The following PTPN21 variants were observed in gnomAD, a reference collection of about 807,000 sequenced individuals.
PTPN21 encodes tyrosine-protein phosphatase non-receptor type 21.
A neutral mutation model predicts 131.8 loss-of-function variants in PTPN21; 77 were observed. That is an observed-to-expected ratio of 0.58 (90% CI 0.49 to 0.71). The LOEUF is 0.71. Among genes scored for constraint, PTPN21 ranks in the 30% least tolerant of loss-of-function variants. The pLI is 0.00. For synonymous variants in PTPN21, 715 were observed against 621.3 expected (o/e 1.15, Z -2.24); for missense variants, 1,552 against 1,527.1 (o/e 1.02, Z -0.27).
In PTPN21 at chr14:88,550,245, A is replaced by G; in HGVS notation, c.173T>C (p.Leu58Pro). The G allele has an allele frequency of 6.2e-7, 1 of 1,613,330 alleles. No individual in the cohort carries two copies. Among genetic ancestry groups the G allele is most frequent in the Non-Finnish European group, 8.5e-7 (1 of 1,179,766 alleles). The change falls in exon 2 of 19, where the codon CTG becomes CCG. Residue 58 changes from leucine (L) to proline (P), a missense_variant. Coordinates refer to ENST00000556564, the MANE Select transcript of PTPN21 (RefSeq NM_007039.4). ...SLEAVAQRLE[L>P]REVTYFSLWY... The stretch of plus-strand genomic sequence containing the variant: ...TGTCTTTAGGTGGCTTACCTCCCGC[A>G]GCTCCAGCCTCTGGGCCACGGCCTC...
chr14:88,501,216 C>A (rs952390612), intron 7 of PTPN21, 65 bp downstream of exon 7: 2 of 1,378,532 alleles, frequency 1.5e-6, no homozygotes, highest in Non-Finnish European at 2.1e-6. Context: ...CCTTGGATTT[C>A]CCCATGATTT....
At chr14:88,545,347 T>C (rs1287338899) in intron 2 of PTPN21, among the ~76,000 whole-genome samples, 1 of 151,652 alleles carries the variant, frequency 6.6e-6, no homozygotes, top group African/African-American at 2.4e-5. Flanking sequence ...TTTAGCGAGC[T>C]AGATTAAATC....
intron 2 of PTPN21, among the ~76,000 whole-genome samples, chr14:88,531,974 C>T (rs1478936456): frequency 1.3e-5 from 2 of 152,086 alleles, no homozygotes; most frequent in Admixed American, 6.5e-5. Context: ...ACTATGAACG[C>T]CTTTGCGTGC....
chr14:88,546,425 A>AATACAAAT (rs2078781445), intron 2 of PTPN21, among the ~76,000 whole-genome samples: 1 of 151,720 alleles, frequency 6.6e-6, no homozygotes, highest in East Asian at 1.9e-4. Context: ...AAAATACAAA[A>AATACAAAT]ATTAGCCGGG....
intron 12 of PTPN21, among the ~76,000 whole-genome samples, chr14:88,484,048 T>G (rs984702845): frequency 5.2e-5 from 3 of 57,824 alleles, no homozygotes; most frequent in Non-Finnish European, 1.2e-4. Context: ...TTCTAAGGTG[T>G]TTTTTTTTTT....
Position 88,479,778 on chromosome 14 carries a change from G to A in PTPN21, c.1653C>T (p.Asp551=), listed in dbSNP as rs199845483. ...TCCGCATGATGTTGGGAGACGGGTA[G>A]TCCTGCGCCTGCAGCTGCGCATTGG... ...ELTNAQLQAQ[D]YPSPNIMRTQ... Residue 551 remains aspartate, a synonymous_variant, in exon 13 of 19, where the codon GAC becomes GAT. Coordinates refer to ENST00000556564, the MANE Select transcript of PTPN21 (RefSeq NM_007039.4). 1.3e-6 allele frequency: 2 copies of A among 1,546,092 alleles called. No individual in the cohort carries two copies. The highest frequency in any genetic ancestry group is 2.7e-5 in the African/African-American group (2 of 73,716).
chr14:88,500,973 G>C, intron 7 of PTPN21, 102 bp from the exon 8 acceptor site: 2 of 802,444 alleles, frequency 2.5e-6, no homozygotes, highest in Non-Finnish European at 4.3e-6. Flanking sequence ...AAGTTCCGAA[G>C]ACCTACAGAG....
chr14:88,491,608 T>C (rs1036700880), intron 10 of PTPN21, among the ~76,000 whole-genome samples: 5 of 152,228 alleles, frequency 3.3e-5, no homozygotes, highest in African/African-American at 1.2e-4. Context: ...ATTAAAGTTC[T>C]TTTCATTTTA....
At chr14:88,533,970 T>C (rs1479153727) in intron 2 of PTPN21, among the ~76,000 whole-genome samples, 1 of 152,162 alleles carries the variant, frequency 6.6e-6, no homozygotes, top group Non-Finnish European at 1.5e-5. Context: ...TTACCGCCCC[T>C]GAAAACTGTC....
intron 2 of PTPN21, among the ~76,000 whole-genome samples, chr14:88,518,806 CTT>C (rs1489604887): frequency 2.0e-5 from 3 of 151,988 alleles, no homozygotes; most frequent in African/African-American, 4.8e-5. Flanking sequence ...GTTAAACCAA[CTT>C]TTCACTACTC....
At chr14:88,476,538 T>C (rs2077549775) in intron 13 of PTPN21, among the ~76,000 whole-genome samples, 1 of 152,184 alleles carries the variant, frequency 6.6e-6, no homozygotes, top group South Asian at 2.1e-4. Context: ...AATCATGTAA[T>C]TCAGGAGGCA....
At chr14:88,498,446 T>C (rs935094275) in intron 8 of PTPN21, among the ~76,000 whole-genome samples, 46 of 152,218 alleles carry the variant, frequency 3.0e-4, no homozygotes, top group Admixed American at 9.8e-4. Flanking sequence ...TGTGTCAGAT[T>C]TGCTTGATGG....
intron 2 of PTPN21, among the ~76,000 whole-genome samples, chr14:88,520,674 C>T (rs2078375656): frequency 6.6e-6 from 1 of 151,874 alleles, no homozygotes; most frequent in African/African-American, 2.4e-5. Flanking sequence ...TGCTTAAGTC[C>T]AAAGTTCTGA....
intron 1 of PTPN21, among the ~76,000 whole-genome samples, chr14:88,553,158 C>A (rs1566859339): frequency 6.6e-6 from 1 of 152,116 alleles, no homozygotes; most frequent in Non-Finnish European, 1.5e-5. Flanking sequence ...GTAAAACTTT[C>A]AATTGTCCCT....
intron 1 of PTPN21, chr14:88,552,269 G>C (rs1257457552): frequency 6.6e-6 from 1 of 152,250 alleles, no homozygotes; most frequent in Admixed American, 6.5e-5. Context: ...GGGGCACTTA[G>C]GGTTAGGGAA....
At chr14:88,525,325 C>T in intron 2 of PTPN21, among the ~76,000 whole-genome samples, 1 of 151,950 alleles carries the variant, frequency 6.6e-6, no homozygotes, top group Admixed American at 6.6e-5. Context: ...AATTATATAT[C>T]TGATAAAGGT....
At chr14:88,543,842 C>T (rs1362893351) in intron 2 of PTPN21, among the ~76,000 whole-genome samples, 2 of 152,098 alleles carry the variant, frequency 1.3e-5, no homozygotes, top group Non-Finnish European at 2.9e-5. Context: ...CAGTATTTAA[C>T]TCAACTTCAA....
chr14:88,517,845 T>C (rs555577853), intron 2 of PTPN21, among the ~76,000 whole-genome samples: 2 of 147,740 alleles, frequency 1.4e-5, no homozygotes, highest in African/African-American at 2.5e-5. Flanking sequence ...ATACACTATA[T>C]ATATGGTATA....
intron 2 of PTPN21, among the ~76,000 whole-genome samples, chr14:88,544,670 A>G: frequency 6.6e-6 from 1 of 152,148 alleles, no homozygotes; most frequent in East Asian, 1.9e-4. Flanking sequence ...AATACTGCAG[A>G]CTGTCTTAAC....
Sources: gnomAD v4.1 joint callset for allele counts (sites outside exome capture counted in the v4.1 genomes callset) on GRCh38, gnomAD v4.1.1 for gene constraint, MANE v1.5 for transcripts, NCBI Gene and HGNC (gene_info 2026-07-23, HGNC 2026-07-21) for gene names.